Variants in PROCA1 observed in about 807,000 individuals in gnomAD.
PROCA1 encodes the protein protein interacting with cyclin A1, also known as protein PROCA1.
Under a neutral mutation model 23.2 loss-of-function variants are expected in PROCA1, and 22 were observed. The observed-to-expected ratio is 0.95, with a 90% CI of 0.68 to 1.35. The LOEUF (loss-of-function observed/expected upper bound fraction) is 1.35. Ranked by LOEUF, PROCA1 falls within the 40% of genes most tolerant of loss-of-function variation. PROCA1 has a pLI of 0.00. For missense variants in PROCA1, 469 were observed against 459.8 expected (o/e 1.02, Z -0.18); for synonymous variants, 182 against 179.2 (o/e 1.02, Z -0.12).
rs1276847950 is a variant in PROCA1, at chr17:28,711,570, C to G, written c.91G>C (p.Asp31His). The change falls in exon 1 of 5, where the codon GAT becomes CAT. Residue 31 changes from aspartate (D) to histidine (H), a missense_variant and splice_region_variant. By Grantham distance (81) the Asp-to-His change is moderately conservative (BLOSUM62 -1). Transcript: ENST00000682792. ...ARSWDESRCR[D>H]VNRLPSWERG... is the part of the protein sequence containing the mutation. ...CCAGCCCCTGCCCCGCCCCTCTTACCGCGGCATCTGCTCTCATCCCACGAG... is the reference window on the plus strand; with the variant it reads ...CCAGCCCCTGCCCCGCCCCTCTTACGGCGGCATCTGCTCTCATCCCACGAG... 1.2e-6 allele frequency: 2 copies of G among 1,608,528 alleles called. No individual in the cohort carries two copies. Among genetic ancestry groups the G allele is most frequent in the Admixed American group, 3.4e-5 (2 of 59,672 alleles).
intron 1 of PROCA1, among the ~76,000 whole-genome samples, chr17:28,708,607 C>T (rs1009848054): frequency 2.0e-5 from 3 of 151,790 alleles, no homozygotes; most frequent in African/African-American, 4.8e-5. Context: ...GAGTCTGGGC[C>T]GGGCACGGTG....
chr17:28,711,414 C>A (rs1485816720), intron 1 of PROCA1, 156 bp downstream of exon 1: 2 of 612,448 alleles, frequency 3.3e-6, no homozygotes, highest in Non-Finnish European at 5.1e-6. Flanking sequence ...CCTAGCTCCG[C>A]CCCGGCCCTA....
rs1289357289 is a variant in PROCA1, at chr17:28,703,909, C to G, written c.744G>C (p.Glu248Asp). The G allele has an allele frequency of 6.2e-7, 1 of 1,613,904 alleles. No homozygotes were observed. Among genetic ancestry groups the G allele is most frequent in the African/African-American group, 1.3e-5 (1 of 74,902 alleles). Residue 248 changes from glutamate (E) to aspartate (D), a missense_variant, in exon 5 of 5, where the codon GAG becomes GAC. Transcript: ENST00000682792. Reference protein sequence around the residue: ...KKKEKEKDKEEMDEKAKLKKK... With the variant: ...KKKEKEKDKEDMDEKAKLKKK... ...TCTTCAGCTTTGCCTTCTCATCCAT[C>G]TCCTCCTTGTCTTTCTCTTTTTCCT...
chr17:28,708,940 G>A (rs1221566579), intron 1 of PROCA1, among the ~76,000 whole-genome samples: 1 of 152,104 alleles, frequency 6.6e-6, no homozygotes, highest in Non-Finnish European at 1.5e-5. Context: ...AGGCCGCAGT[G>A]AGCCGTGATC....
intron 2 of PROCA1, chr17:28,706,153 C>G (rs1455928880): frequency 6.3e-6 from 1 of 158,468 alleles, no homozygotes; most frequent in Non-Finnish European, 1.4e-5. Context: ...CTCTCCTCCC[C>G]TCTTGTACCC....
chr17:28,706,612 A>G (rs2032485120), intron 2 of PROCA1, 68 bp downstream of exon 2: 3 of 1,146,960 alleles, frequency 2.6e-6, no homozygotes, highest in Non-Finnish European at 3.5e-6. Flanking sequence ...CCAAGCTTCC[A>G]CCAGGTGTCA....
chr17:28,710,294 C>A (rs1344955461), intron 1 of PROCA1, among the ~76,000 whole-genome samples: 1 of 151,656 alleles, frequency 6.6e-6, no homozygotes, highest in African/African-American at 2.4e-5. Context: ...GTCAGGAGTT[C>A]AAGACCAGCC....
chr17:28,710,546 A>G (rs1025283381), intron 1 of PROCA1, among the ~76,000 whole-genome samples: 4 of 150,354 alleles, frequency 2.7e-5, no homozygotes, highest in Non-Finnish European at 5.9e-5. Context: ...ATGCAGGGTC[A>G]GAGCCTGTTT....
intron 1 of PROCA1, chr17:28,711,088 G>A: frequency 1.7e-6 from 2 of 1,182,288 alleles, no homozygotes; most frequent in Non-Finnish European, 2.1e-6. Context: ...CCTTGGAAAT[G>A]CCTCTCTGGC....
Position 28,703,986 on chromosome 17 carries a change from G to T in PROCA1, c.667C>A (p.Pro223Thr). The part of the protein sequence containing the change: ...APITIWRSES[P>T]TGKGQGSKVI... ...TTGCTGCCCTGACCCTTCCCTGTGG[G>T]GCTCTCAGAGCGCCAGATGGTGATG... Residue 223 changes from proline (P) to threonine (T), a missense_variant, in exon 5 of 5, where the codon CCC becomes ACC. By Grantham distance (38) the Pro-to-Thr change is conservative (BLOSUM62 -1). Transcript: ENST00000682792. The T allele has an allele frequency of 6.2e-7, 1 of 1,610,340 alleles. No individual in the cohort carries two copies. Among genetic ancestry groups the T allele is most frequent in the Non-Finnish European group, 8.5e-7 (1 of 1,178,478 alleles).
intron 1 of PROCA1, among the ~76,000 whole-genome samples, chr17:28,709,721 G>A (rs548275711): frequency 1.3e-5 from 2 of 152,136 alleles, no homozygotes; most frequent in East Asian, 3.9e-4. Context: ...ACCAGGCCGG[G>A]TGCAGTGGCT....
Position 28,703,660 on chromosome 17 carries a change from T to C in PROCA1, c.993A>G (p.Arg331=). ...DIVESSSPRK[R]ENTVQAKKTG... ...TCTTTTTGGCCTGGACTGTGTTCTC[T>C]CTCTTCCTGGGCGATGATGATTCCA... The change falls in exon 5 of 5, where the codon AGA becomes AGG. Residue 331 remains arginine (R), a synonymous_variant. Coordinates refer to ENST00000682792, the MANE Select transcript of PROCA1 (RefSeq NM_001366301.1). 1 of 1,614,222 alleles carries C rather than the reference T, an allele frequency of 6.2e-7. No homozygotes were observed. Among genetic ancestry groups the C allele is most frequent in the African/African-American group, 1.3e-5 (1 of 75,044 alleles).
intron 1 of PROCA1, among the ~76,000 whole-genome samples, chr17:28,709,301 G>A (rs2032669778): frequency 6.6e-6 from 1 of 151,946 alleles, no homozygotes; most frequent in Non-Finnish European, 1.5e-5. Flanking sequence ...TGTCGCCCAG[G>A]CTGGAGTGCA....
chr17:28,708,002 GTTTTGTT>G (rs2032600924), intron 1 of PROCA1: 1 of 152,242 alleles, frequency 6.6e-6, no homozygotes, highest in South Asian at 2.1e-4. Flanking sequence ...TTTTTGTTTT[GTTTTGTT>G]TTTTGTTTGT....
At chr17:28,707,976 T>C (rs1026467243) in intron 1 of PROCA1, 4 of 152,306 alleles carry the variant, frequency 2.6e-5, no homozygotes, top group African/African-American at 9.6e-5. Context: ...GGGCTTCTTA[T>C]CTCATTTGAC....
Position 28,704,107 on chromosome 17 carries a change from T to TTCC in PROCA1, c.543_545dup (p.Glu182dup). ...CCTGTGTCGGGATGGGGGGCTTGCT[T>TTCC]TCCTCCTCCTCCTCTTCCTCTTCTT... On this transcript the variant is annotated inframe_insertion, in exon 5 of 5. Transcript: ENST00000682792. 3.8e-6 allele frequency: 6 copies of TTCC among 1,580,492 alleles called. No homozygotes were observed. The highest frequency in any genetic ancestry group is 5.1e-6 in the Non-Finnish European group (6 of 1,168,280).
chr17:28,703,348 G>A lies in PROCA1; in HGVS notation c.*210C>T. 1 of 589,038 alleles carries A rather than the reference G, an allele frequency of 1.7e-6. No individual in the cohort carries two copies. Among genetic ancestry groups the A allele is most frequent in the South Asian group, 2.2e-5 (1 of 45,958 alleles). The allele number at this position is 589,038 out of a possible 1,614,324, so 36.5% of individuals were successfully genotyped here. On this transcript the variant is annotated 3_prime_UTR_variant, in exon 5 of 5. Coordinates refer to ENST00000682792, the MANE Select transcript of PROCA1 (RefSeq NM_001366301.1). ...CTCTTCCACCTTGTCCTAGCAGGTA[G>A]GAAGAAATAGGGCTGTGCCCCTTCC...
At position 28,711,735 on chromosome 17, in the gene PROCA1, C is replaced by CCTCGGCCCAGCCGTGAA; in HGVS notation, c.-92_-76dup. On this transcript the variant is annotated 5_prime_UTR_variant, in exon 1 of 5. It introduces an in-frame stop codon into an upstream open reading frame of the 5' UTR. Transcript: ENST00000682792. ...ACCCTGAGCCTCAGCCCGGCCGAGC[C>CCTCGGCCCAGCCGTGAA]CTCGGCCCAGCCGTGAACTCCAGTC... 7.4e-7 allele frequency: 1 copy of CCTCGGCCCAGCCGTGAA among 1,357,682 alleles called. No individual in the cohort carries two copies. Among genetic ancestry groups the CCTCGGCCCAGCCGTGAA allele is most frequent in the Non-Finnish European group, 1.0e-6 (1 of 994,736 alleles). The allele number at this position is 1,357,682 out of a possible 1,614,324, so 84.1% of individuals were successfully genotyped here. A position where few individuals can be genotyped will look rare whatever the true frequency, so the allele number is the denominator to read the frequency against.
intron 2 of PROCA1, chr17:28,705,205 G>A (rs2032410608): frequency 4.3e-6 from 1 of 230,948 alleles, no homozygotes; most frequent in Admixed American, 5.2e-5. Context: ...AGGCCCTCCT[G>A]CTATGGCACC....
Sources: allele counts gnomAD v4.1 joint callset (sites outside exome capture counted in the v4.1 genomes callset), GRCh38; gene constraint gnomAD v4.1.1; transcripts MANE v1.5; gene names NCBI Gene and HGNC (gene_info 2026-07-23, HGNC 2026-07-21).